Variants in EML5 observed in about 807,000 individuals in gnomAD.
The protein encoded by EML5 is echinoderm microtubule-associated protein-like 5.
In EML5, 120 loss-of-function variants were observed where a neutral mutation model predicts 250.0. That is an observed-to-expected ratio of 0.48 (90% confidence interval 0.41 to 0.56). The LOEUF (loss-of-function observed/expected upper bound fraction) is 0.56, where lower values mean the gene tolerates loss of function less well. EML5 is among the 20% of genes least tolerant of loss of function. The pLI, the probability that EML5 is intolerant of heterozygous loss-of-function variation, is 0.00. For synonymous variants in EML5, 771 were observed against 806.5 expected (o/e 0.96, Z 0.75); for missense variants, 2,006 against 2,437.6 (o/e 0.82, Z 3.73).
intron 1 of EML5, among the ~76,000 whole-genome samples, chr14:88,765,998 T>C (rs2094314916): frequency 6.6e-6 from 1 of 152,226 alleles, no homozygotes; most frequent in South Asian, 2.1e-4. Flanking sequence ...CTTATGCCTG[T>C]CTTTACTGCA....
intron 29 of EML5, among the ~76,000 whole-genome samples, chr14:88,646,194 G>A (rs1442851724): frequency 6.6e-6 from 1 of 152,046 alleles, no homozygotes; most frequent in African/African-American, 2.4e-5. Flanking sequence ...AAATATACTT[G>A]CATTTTCAAA....
chr14:88,721,705 T>C (rs972720506), intron 8 of EML5, among the ~76,000 whole-genome samples: 1 of 152,186 alleles, frequency 6.6e-6, no homozygotes, highest in African/African-American at 2.4e-5. Context: ...GTCATGGGCA[T>C]GCGCAAAGAT....
chr14:88,721,568 G>A (rs2093084), intron 8 of EML5, among the ~76,000 whole-genome samples: 60,978 of 151,946 alleles, frequency 0.4, 14,699 homozygotes, highest in African/African-American at 0.66. Context: ...AGCTATATGC[G>A]GAAAACTGAA....
intron 1 of EML5, among the ~76,000 whole-genome samples, chr14:88,783,354 T>G (rs1430572846): frequency 6.6e-6 from 1 of 152,036 alleles, no homozygotes; most frequent in African/African-American, 2.4e-5. Context: ...AGAAATAGAG[T>G]AGGTGAATGG....
Position 88,627,768 on chromosome 14 carries a change from G to T in EML5, c.4409C>A (p.Ser1470Tyr). 6.2e-7 allele frequency: 1 copy of T among 1,610,276 alleles called. No homozygotes were observed. Among genetic ancestry groups the T allele is most frequent in the South Asian group, 1.1e-5 (1 of 90,406 alleles). Residue 1470 changes from serine to tyrosine, a missense_variant, in exon 34 of 44, where the codon TCT becomes TAT. Around this residue, in one of 7 missense-constraint regions of EML5, gnomAD observed 1,375 missense variants for 1,590.3 expected, o/e 0.86. Coordinates refer to ENST00000554922, the MANE Select transcript of EML5 (RefSeq NM_183387.3). ...CTTTGAATGGTAGCATCTTAGGATA[G>T]ATAAAGTCTGCTTGTTCATTGCATC... ...IWDAMNKQTL[S>Y]ILRCYHSKGV... is the part of the protein sequence containing the mutation.
At chr14:88,662,784 A>G (rs778277049) in intron 24 of EML5, among the ~76,000 whole-genome samples, 16 of 151,988 alleles carry the variant, frequency 1.1e-4, no homozygotes, top group Non-Finnish European at 2.2e-4. Flanking sequence ...AGCACAAGCA[A>G]TCTGCCTGCC....
At chr14:88,705,395 A>C (rs1163667841) in intron 12 of EML5, 87 bp downstream of exon 12, 1 of 994,850 alleles carries the variant, frequency 1.0e-6, no homozygotes, top group Non-Finnish European at 1.5e-6. Context: ...TTAAAGCCAC[A>C]AAAGATAACA....
At chr14:88,739,772 G>C (rs1398231986) in intron 5 of EML5, among the ~76,000 whole-genome samples, 1 of 151,606 alleles carries the variant, frequency 6.6e-6, no homozygotes, top group Non-Finnish European at 1.5e-5. Flanking sequence ...AATGAATAAA[G>C]GAAAGAAAAC....
intron 8 of EML5, among the ~76,000 whole-genome samples, chr14:88,719,961 C>T (rs1205688131): frequency 2.6e-5 from 4 of 152,034 alleles, no homozygotes; most frequent in Admixed American, 2.6e-4. Flanking sequence ...GGGATATCAC[C>T]ATTGACCCCA....
Position 88,628,022 on chromosome 14 carries a change from T to C in EML5, c.4358-203A>G, listed in dbSNP as rs1212375850. Reference sequence around the variant, plus strand: ...GTGGGGAGGAAAGAAAAGGAAAATATATAGAACACTTCTTCAGGCCATATT... The same window carrying C: ...GTGGGGAGGAAAGAAAAGGAAAATACATAGAACACTTCTTCAGGCCATATT... On this transcript the variant is annotated intron_variant, in intron 33 of 43. Coordinates refer to ENST00000554922, the MANE Select transcript of EML5 (RefSeq NM_183387.3). 14 of 627,692 alleles carry C rather than the reference T, an allele frequency of 2.2e-5. 1 individual carries two copies. Among genetic ancestry groups the C allele is most frequent in the Admixed American group, 1.5e-4 (6 of 40,934 alleles). The allele number at this position is 627,692 out of a possible 1,614,324, so 38.9% of individuals were successfully genotyped here. A position where few individuals can be genotyped will look rare whatever the true frequency, so the allele number is the denominator to read the frequency against.
At chr14:88,754,798 G>A in intron 1 of EML5, 127 bp from the exon 2 acceptor site, 1 of 876,758 alleles carries the variant, frequency 1.1e-6, no homozygotes, top group Non-Finnish European at 1.7e-6. Context: ...AGACAATTTG[G>A]ATTTTTTAAA....
chr14:88,622,078 C>T (rs1237947751), intron 37 of EML5: 1 of 257,702 alleles, frequency 3.9e-6, no homozygotes, highest in African/African-American at 2.2e-5. Flanking sequence ...TACTCTCCAC[C>T]TCTGTGGGAT....
chr14:88,648,496 G>A (rs932996961), intron 28 of EML5, among the ~76,000 whole-genome samples: 2 of 151,998 alleles, frequency 1.3e-5, no homozygotes, highest in African/African-American at 4.8e-5. Context: ...TGGGACCACA[G>A]GTGCACACCA....
At chr14:88,691,169 C>G (rs1431633355) in intron 17 of EML5, among the ~76,000 whole-genome samples, 1 of 152,090 alleles carries the variant, frequency 6.6e-6, no homozygotes, top group Non-Finnish European at 1.5e-5. Flanking sequence ...GAAGGTTGGG[C>G]TCTCCAGGAA....
intron 31 of EML5, among the ~76,000 whole-genome samples, chr14:88,639,446 T>C (rs372677784): frequency 5.6e-4 from 85 of 152,312 alleles, no homozygotes; most frequent in African/African-American, 2.0e-3. Context: ...CCACGATCCT[T>C]CTGTTTTGGT....
chr14:88,768,196 A>G (rs2094344600), intron 1 of EML5, among the ~76,000 whole-genome samples: 3 of 152,178 alleles, frequency 2.0e-5, no homozygotes, highest in Admixed American at 1.3e-4. Flanking sequence ...GGGTGTCAAT[A>G]TTACTGATGA....
chr14:88,774,556 A>G (rs2094429819), intron 1 of EML5, among the ~76,000 whole-genome samples: 1 of 152,176 alleles, frequency 6.6e-6, no homozygotes, highest in Admixed American at 6.5e-5. Flanking sequence ...AAACTTCGCT[A>G]AGGTGAAGCA....
At chr14:88,765,934 T>C (rs1488544439) in intron 1 of EML5, among the ~76,000 whole-genome samples, 1 of 152,186 alleles carries the variant, frequency 6.6e-6, no homozygotes, top group Non-Finnish European at 1.5e-5. Context: ...GAACATAAAT[T>C]GTGAAGATTT....
intron 2 of EML5, among the ~76,000 whole-genome samples, chr14:88,746,484 G>T (rs2094006117): frequency 6.6e-6 from 1 of 152,096 alleles, no homozygotes; most frequent in African/African-American, 2.4e-5. Flanking sequence ...TTCACATTAT[G>T]AAACAGAAGA....
Sources: allele counts gnomAD v4.1 joint callset (sites outside exome capture counted in the v4.1 genomes callset), GRCh38; gene constraint gnomAD v4.1.1; regional missense constraint gnomAD v4.1.1; transcripts MANE v1.5; gene names NCBI Gene and HGNC (gene_info 2026-07-23, HGNC 2026-07-21).